Variants in COL4A5 observed in about 807,000 individuals in gnomAD.
COL4A5 encodes collagen alpha-5(IV) chain.
Under a neutral mutation model 130.2 loss-of-function variants are expected in COL4A5, and 26 were observed. The observed-to-expected ratio is 0.20, with a 90% CI of 0.15 to 0.28. The LOEUF is 0.28. COL4A5 is among the 10% of genes least tolerant of loss of function. The pLI is 1.00. For synonymous variants in COL4A5, 496 were observed against 439.6 expected, an observed-to-expected ratio of 1.13 and a Z score of -1.60; for missense variants, 1,131 against 1,344.3, an observed-to-expected ratio of 0.84 and a Z score of 2.48.
At position 108,528,492 on chromosome X, in the gene COL4A5, G is replaced by A. The variant is rs748073365; in HGVS notation, c.82-11254G>A. Among the ~76,000 whole-genome samples, 3 of 112,300 alleles carry A rather than the reference G, an allele frequency of 2.7e-5. No individual in the cohort carries two copies. In the South Asian group the frequency reaches 1.1e-3, roughly 41 times the overall value. Reference sequence around the variant, plus strand: ...AGCAAGGAAATATGACACTTGCAAAGGAACACAATAATTCTACAACAATAG... The same window carrying A: ...AGCAAGGAAATATGACACTTGCAAAAGAACACAATAATTCTACAACAATAG... On this transcript the variant is annotated intron_variant, in intron 1 of 52. Transcript: ENST00000328300.
intron 1 of COL4A5, among the ~76,000 whole-genome samples, chrX:108,539,296 C>T (rs1220962832): frequency 8.9e-6 from 1 of 111,774 alleles, no homozygotes; most frequent in African/African-American, 3.2e-5. Flanking sequence ...ACTGTCAACA[C>T]TCATGCATTA....
At chrX:108,610,005 G>A (rs1176066984) in intron 29 of COL4A5, among the ~76,000 whole-genome samples, 5 of 108,014 alleles carry the variant, frequency 4.6e-5, no homozygotes, top group Non-Finnish European at 9.6e-5. Flanking sequence ...GGCTATATTA[G>A]GTCCTTTGCC....
At chrX:108,595,733 G>A in intron 22 of COL4A5, 132 bp downstream of exon 22, 1 of 481,096 alleles carries the variant, frequency 2.1e-6, no homozygotes, top group Non-Finnish European at 3.5e-6. Flanking sequence ...AGTATGAAAT[G>A]CCTCCATTTG....
At chrX:108,513,303 A>C (rs774622382) in intron 1 of COL4A5, among the ~76,000 whole-genome samples, 4 of 111,531 alleles carry the variant, frequency 3.6e-5, no homozygotes, top group Non-Finnish European at 7.5e-5. Flanking sequence ...GTCTCAAAAA[A>C]AAAAATTGCC....
chrX:108,535,458 C>T (rs952840024), intron 1 of COL4A5, among the ~76,000 whole-genome samples: 2 of 110,958 alleles, frequency 1.8e-5, no homozygotes, highest in African/African-American at 3.3e-5. Context: ...GTTTTTTCTA[C>T]GTAGAGTCAG....
intron 19 of COL4A5, among the ~76,000 whole-genome samples, chrX:108,589,124 T>C (rs983877665): frequency 8.9e-5 from 10 of 111,827 alleles, no homozygotes; most frequent in African/African-American, 3.2e-4. Context: ...GCTATAATTG[T>C]AAACATTATT....
chrX:108,571,328 A>G, intron 6 of COL4A5, 85 bp from the exon 7 acceptor site: 1 of 752,734 alleles, frequency 1.3e-6, no homozygotes, highest in East Asian at 3.3e-5. Context: ...CTTTTATAGA[A>G]ATCTTTTCAA....
chrX:108,543,080 T>C (rs1472481700), intron 2 of COL4A5, among the ~76,000 whole-genome samples: 1 of 111,224 alleles, frequency 9.0e-6, no homozygotes, highest in Non-Finnish European at 1.9e-5. Flanking sequence ...TGATAGTAGT[T>C]TCTTTTGCTG....
chrX:108,469,169 C>CTTTTTTTTTTTT (rs529015725), intron 1 of COL4A5, among the ~76,000 whole-genome samples: 1 of 77,664 alleles, frequency 1.3e-5, no homozygotes, highest in Non-Finnish European at 2.4e-5. Context: ...CTCTCTCTCT[C>CTTTTTTTTTTTT]TTTTTTTTTT....
At chrX:108,477,306 A>C (rs746491773) in intron 1 of COL4A5, among the ~76,000 whole-genome samples, 1 of 111,771 alleles carries the variant, frequency 8.9e-6, no homozygotes, top group Non-Finnish European at 1.9e-5. Flanking sequence ...AAATAAAGAC[A>C]ATAATAAGGT....
intron 27 of COL4A5, among the ~76,000 whole-genome samples, chrX:108,602,671 G>A (rs2066655073): frequency 9.0e-6 from 1 of 111,726 alleles, no homozygotes; most frequent in Admixed American, 9.5e-5. Flanking sequence ...AAGTTCTTGG[G>A]CATTTTTGTG....
At chrX:108,440,737 A>G (rs1377871878) in intron 1 of COL4A5, among the ~76,000 whole-genome samples, 2 of 111,931 alleles carry the variant, frequency 1.8e-5, no homozygotes, top group Non-Finnish European at 3.8e-5. Flanking sequence ...CAGGTCATTC[A>G]AGCCACTGAC....
chrX:108,646,047 G>C (rs1334315042), intron 36 of COL4A5, among the ~76,000 whole-genome samples: 10 of 97,721 alleles, frequency 1.0e-4, no homozygotes, highest in Non-Finnish European at 1.6e-4. Flanking sequence ...ATATACATGT[G>C]CATGTGTCTT....
intron 1 of COL4A5, among the ~76,000 whole-genome samples, chrX:108,501,250 G>T (rs1194109802): frequency 9.0e-6 from 1 of 111,401 alleles, no homozygotes; most frequent in Non-Finnish European, 1.9e-5. Context: ...AGGCTGACTT[G>T]TTCCCATTAT....
At chrX:108,480,392 A>G (rs781057614) in intron 1 of COL4A5, among the ~76,000 whole-genome samples, 2 of 112,852 alleles carry the variant, frequency 1.8e-5, no homozygotes, top group Non-Finnish European at 3.7e-5. Flanking sequence ...TGTCTCACCA[A>G]TAAGTCCAAT....
chrX:108,464,845 A>G (rs1201684766), intron 1 of COL4A5, among the ~76,000 whole-genome samples: 1 of 112,115 alleles, frequency 8.9e-6, no homozygotes, highest in Non-Finnish European at 1.9e-5. Context: ...GCCTGGGGAA[A>G]TCTTACTGAA....
chrX:108,583,384 C>A (rs773888870), intron 17 of COL4A5, among the ~76,000 whole-genome samples: 144 of 111,577 alleles, frequency 1.3e-3, no homozygotes, highest in Non-Finnish European at 1.6e-3. Flanking sequence ...GTTGTTTTTT[C>A]CCCCCTACTG....
intron 49 of COL4A5, among the ~76,000 whole-genome samples, chrX:108,688,262 G>A (rs1425017185): frequency 9.0e-6 from 1 of 111,446 alleles, no homozygotes; most frequent in African/African-American, 3.3e-5. Context: ...CATTTAAGGT[G>A]TTCCCATGTA....
At position 108,439,850 on chromosome X, in the gene COL4A5, A is replaced by C; in HGVS notation, c.-276A>C. 1 of 370,336 alleles carries C rather than the reference A, an allele frequency of 2.7e-6. No homozygotes were observed. Among genetic ancestry groups the C allele is most frequent in the Non-Finnish European group, 4.7e-6 (1 of 211,969 alleles). 30.5% of individuals were successfully genotyped at this position (370,336 alleles called of 1,213,427 possible). ...GAGGGAGGAAAGTAGATCTGTAGGA[A>C]TTGAGTGAAGAAAAAGTTTGCAAGT... On this transcript the variant is annotated 5_prime_UTR_variant, in exon 1 of 53. Coordinates refer to ENST00000328300, the MANE Select transcript of COL4A5 (RefSeq NM_033380.3).
Sources: gnomAD v4.1 joint callset for allele counts (sites outside exome capture counted in the v4.1 genomes callset) on GRCh38, gnomAD v4.1.1 for gene constraint, MANE v1.5 for transcripts, NCBI Gene and HGNC (gene_info 2026-07-23, HGNC 2026-07-21) for gene names.